CALN1: variants seen among roughly 807,000 people sequenced by gnomAD.
The protein encoded by CALN1 is calneuron 1.
A neutral mutation model predicts 30.6 loss-of-function variants in CALN1; 17 were observed. That is an observed-to-expected ratio of 0.56 (90% CI 0.38 to 0.83). CALN1 has a LOEUF of 0.83. Among genes scored for constraint, CALN1 ranks in the 40% least tolerant of loss-of-function variants. The probability of loss-of-function intolerance (pLI) is 0.00; values close to 1 mark genes in which losing one functional copy is unlikely to be tolerated. For synonymous variants in CALN1, 156 were observed against 131.4 expected, an observed-to-expected ratio of 1.19 and a Z score of -1.28; for missense variants, 291 against 354.9, an observed-to-expected ratio of 0.82 and a Z score of 1.45.
At chr7:72,365,638 C>A (rs542918414) in intron 2 of CALN1, among the ~76,000 whole-genome samples, 1 of 152,144 alleles carries the variant, frequency 6.6e-6, no homozygotes, top group East Asian at 1.9e-4. Context: ...TGCTATGTTG[C>A]CCAGGCTGGT....
chr7:71,841,419 T>C (rs1789930337), intron 5 of CALN1, among the ~76,000 whole-genome samples: 1 of 152,094 alleles, frequency 6.6e-6, no homozygotes, highest in African/African-American at 2.4e-5. Flanking sequence ...TCCAACAAGA[T>C]CAACAAATCT....
chr7:72,302,742 A>C (rs1799366204), intron 2 of CALN1, among the ~76,000 whole-genome samples: 1 of 151,774 alleles, frequency 6.6e-6, no homozygotes, highest in African/African-American at 2.4e-5. Context: ...AAAAATACAA[A>C]AAATTAGTCA....
Position 71,806,250 on chromosome 7 carries a change from G to GCACACA in CALN1, c.658+4080_658+4085dup, listed in dbSNP as rs748073948. ...GCCAGGTGTGCACATGTGCACGCAT[G>GCACACA]CACACACACACACACACACAAACAC... On this transcript the variant is annotated intron_variant, in intron 6 of 6. Coordinates refer to ENST00000395275, the MANE Select transcript of CALN1 (RefSeq NM_031468.4). 8.2e-5 allele frequency among the ~76,000 whole-genome samples: 9 copies of GCACACA among 109,164 alleles called. No individual in the cohort carries two copies. The South Asian group carries it at 1.5e-3, about 18-fold the overall frequency. The allele number at this position is 109,164 out of a possible 152,430, so 71.6% of individuals were successfully genotyped here.
chr7:71,978,510 G>A (rs1309571936), intron 5 of CALN1, among the ~76,000 whole-genome samples: 2 of 151,854 alleles, frequency 1.3e-5, no homozygotes, highest in Non-Finnish European at 2.9e-5. Flanking sequence ...TCCTGACCTC[G>A]TGATCCGCCC....
intron 3 of CALN1, among the ~76,000 whole-genome samples, chr7:72,244,363 G>C (rs572476350): frequency 5.3e-5 from 8 of 152,254 alleles, no homozygotes; most frequent in African/African-American, 1.9e-4. Context: ...TATTCAAGAA[G>C]TCCACAAATA....
intron 3 of CALN1, among the ~76,000 whole-genome samples, chr7:72,249,746 T>C (rs1435565315): frequency 1.3e-5 from 2 of 151,860 alleles, no homozygotes; most frequent in African/African-American, 4.8e-5. Context: ...AGACCAGCCT[T>C]GTCAACATGG....
chr7:72,405,691 G>A (rs6460722), intron 1 of CALN1, among the ~76,000 whole-genome samples: 141,584 of 152,166 alleles, frequency 0.93, 66,014 homozygotes, highest in East Asian at 1. Context: ...AACAGGAGAA[G>A]CAAGTGTGTC....
intron 4 of CALN1, among the ~76,000 whole-genome samples, chr7:72,079,434 A>C (rs1284507341): frequency 6.6e-6 from 1 of 152,086 alleles, no homozygotes; most frequent in Non-Finnish European, 1.5e-5. Context: ...CTTGCTTTTT[A>C]TTATTTTTGT....
chr7:72,026,000 G>A (rs920641301), intron 4 of CALN1, among the ~76,000 whole-genome samples: 1 of 152,100 alleles, frequency 6.6e-6, no homozygotes, highest in African/African-American at 2.4e-5. Flanking sequence ...AAATGAAGAG[G>A]GGCAGTCGGT....
intron 2 of CALN1, among the ~76,000 whole-genome samples, chr7:72,399,196 G>A (rs1806175105): frequency 6.6e-6 from 1 of 151,556 alleles, no homozygotes; most frequent in Non-Finnish European, 1.5e-5. Context: ...ACAATGGGCT[G>A]CAAGGCTGGC....
intron 2 of CALN1, among the ~76,000 whole-genome samples, chr7:72,327,691 A>G (rs543835715): frequency 9.2e-5 from 14 of 152,352 alleles, no homozygotes; most frequent in African/African-American, 3.4e-4. Context: ...TTGGGATCCA[A>G]TGATGTTTGG....
chr7:72,344,530 G>T (rs1278027373), intron 2 of CALN1, among the ~76,000 whole-genome samples: 1 of 148,012 alleles, frequency 6.8e-6, no homozygotes, highest in Non-Finnish European at 1.5e-5. Flanking sequence ...AACTAACTCT[G>T]GAGAACAAGT....
chr7:71,881,952 A>G (rs1792596411), intron 5 of CALN1, among the ~76,000 whole-genome samples: 1 of 151,860 alleles, frequency 6.6e-6, no homozygotes, highest in African/African-American at 2.4e-5. Context: ...ATATGCCTGT[A>G]GTCCCAGCTA....
chr7:72,253,464 G>T (rs1187757692), intron 3 of CALN1, among the ~76,000 whole-genome samples: 1 of 152,220 alleles, frequency 6.6e-6, no homozygotes, highest in Non-Finnish European at 1.5e-5. Flanking sequence ...TTGACTCACA[G>T]TTCTGCATGG....
intron 1 of CALN1, among the ~76,000 whole-genome samples, chr7:72,409,551 G>C (rs1056510530): frequency 7.2e-5 from 11 of 151,844 alleles, no homozygotes; most frequent in African/African-American, 2.7e-4. Context: ...AACCAATCTG[G>C]TGCATGGGTT....
At position 71,875,272 on chromosome 7, in the gene CALN1, AGAGACCTGACAGAACT is replaced by A. The variant is rs900291502; in HGVS notation, c.502-64796_502-64781del. On this transcript the variant is annotated intron_variant, in intron 5 of 6. Transcript: ENST00000395275. ...AATGCAAGGAGCCATGCAGGAGACC[AGAGACCTGACAGAACT>A]GGGACAAACCACCCTGAAGTATGGG... Among the ~76,000 whole-genome samples, 5 of 152,126 alleles carry A rather than the reference AGAGACCTGACAGAACT, an allele frequency of 3.3e-5. 1 individual carries two copies. In the East Asian group the frequency reaches 5.8e-4, roughly 18 times the overall value.
chr7:72,231,339 T>C (rs1035580276), intron 3 of CALN1, among the ~76,000 whole-genome samples: 1 of 152,232 alleles, frequency 6.6e-6, no homozygotes, highest in Non-Finnish European at 1.5e-5. Flanking sequence ...TGTGTCCATG[T>C]GTTCTCATTG....
At chr7:72,445,716 A>G (rs889633435) in intron 1 of CALN1, among the ~76,000 whole-genome samples, 12 of 151,986 alleles carry the variant, frequency 7.9e-5, no homozygotes, top group Admixed American at 1.3e-4. Flanking sequence ...AATGCATTGC[A>G]CCCCCAGTGT....
chr7:72,411,405 G>A (rs976573292), intron 1 of CALN1, among the ~76,000 whole-genome samples: 1 of 152,118 alleles, frequency 6.6e-6, no homozygotes, highest in African/African-American at 2.4e-5. Context: ...GATTTTCTAT[G>A]TTAGAGAAAA....
Sources: gnomAD v4.1 joint callset for allele counts (sites outside exome capture counted in the v4.1 genomes callset) on GRCh38, gnomAD v4.1.1 for gene constraint, MANE v1.5 for transcripts, NCBI Gene and HGNC (gene_info 2026-07-23, HGNC 2026-07-21) for gene names.